TM2D1: variants seen among roughly 807,000 people sequenced by gnomAD.
The protein encoded by TM2D1 is TM2 domain containing 1, also known as TM2 domain-containing protein 1.
A neutral mutation model predicts 28.4 loss-of-function variants in TM2D1; 15 were observed. That is an observed-to-expected ratio of 0.53 (90% CI 0.35 to 0.81). The LOEUF (loss-of-function observed/expected upper bound fraction) is 0.81. Ranked by LOEUF, TM2D1 falls within the 40% of genes least tolerant of loss-of-function variation. The probability of loss-of-function intolerance (pLI) is 0.01; values close to 1 mark genes in which losing one functional copy is unlikely to be tolerated. For missense variants in TM2D1, 236 were observed against 254.9 expected (o/e 0.93, Z 0.50); for synonymous variants, 93 against 96.2 (o/e 0.97, Z 0.20).
At chr1:61,714,104 C>A (rs1644499690) in intron 2 of TM2D1, among the ~76,000 whole-genome samples, 1 of 145,304 alleles carries the variant, frequency 6.9e-6, no homozygotes. Context: ...ACCTTGTTAG[C>A]CAGGATGGTC....
chr1:61,713,488 C>CAAAAAA (rs369601221), intron 2 of TM2D1, among the ~76,000 whole-genome samples: 344 of 90,888 alleles, frequency 3.8e-3, no homozygotes, highest in Non-Finnish European at 5.5e-3. Context: ...AACTCAAAAA[C>CAAAAAA]AAAAAAAAAA....
chr1:61,687,121 G>T (rs991327002), intron 5 of TM2D1, among the ~76,000 whole-genome samples: 6 of 152,146 alleles, frequency 3.9e-5, no homozygotes, highest in African/African-American at 1.4e-4. Context: ...AGGCAGGATA[G>T]CTTGAGCCCA....
intron 2 of TM2D1, among the ~76,000 whole-genome samples, chr1:61,714,666 C>T (rs1168149210): frequency 1.3e-5 from 2 of 152,172 alleles, no homozygotes; most frequent in Non-Finnish European, 1.5e-5. Context: ...GAGACCCTCC[C>T]GCCTCAGTCT....
Position 61,694,679 on chromosome 1 carries a change from C to T in TM2D1, c.513+18G>A. Reference sequence around the variant, plus strand: ...TTTGAATGTAAAAGTAGTTTACATTCTAGATTGAGAAACTTACCTGCATTG... The same window carrying T: ...TTTGAATGTAAAAGTAGTTTACATTTTAGATTGAGAAACTTACCTGCATTG... On this transcript the variant is annotated intron_variant, in intron 5 of 6. Coordinates refer to ENST00000606498, the MANE Select transcript of TM2D1 (RefSeq NM_032027.3). 1 of 1,564,686 alleles carries T rather than the reference C, an allele frequency of 6.4e-7. No individual in the cohort carries two copies.
At chr1:61,719,002 T>G (rs990295904) in intron 2 of TM2D1, among the ~76,000 whole-genome samples, 1 of 152,210 alleles carries the variant, frequency 6.6e-6, no homozygotes, top group African/African-American at 2.4e-5. Context: ...TAAATTAAAT[T>G]TACTAAAGTT....
intron 4 of TM2D1, chr1:61,700,003 C>A: frequency 1.2e-6 from 1 of 866,712 alleles, no homozygotes; most frequent in Non-Finnish European, 1.6e-6. Flanking sequence ...GCTTTGCTAG[C>A]TAGTAGGCAG....
intron 5 of TM2D1, among the ~76,000 whole-genome samples, chr1:61,691,893 C>T (rs534379946): frequency 2.6e-5 from 3 of 116,284 alleles, no homozygotes; most frequent in Admixed American, 1.1e-4. Context: ...CCAGCCTGGG[C>T]GACGAAAACT....
chr1:61,707,898 C>T (rs17122691), intron 3 of TM2D1, among the ~76,000 whole-genome samples: 1 of 151,926 alleles, frequency 6.6e-6, no homozygotes, highest in African/African-American at 2.4e-5. Flanking sequence ...AAACTAAGTG[C>T]CATCAAATAG....
intron 2 of TM2D1, among the ~76,000 whole-genome samples, chr1:61,721,541 C>T (rs1202982086): frequency 9.0e-6 from 1 of 111,304 alleles, no homozygotes; most frequent in African/African-American, 3.5e-5. Context: ...GACTCTGTCT[C>T]AAAAAAAAAA....
intron 3 of TM2D1, among the ~76,000 whole-genome samples, chr1:61,705,052 T>C (rs1017974745): frequency 5.9e-5 from 9 of 152,334 alleles, no homozygotes; most frequent in Admixed American, 5.2e-4. Context: ...ACAGAAAATC[T>C]TGTAACAGAT....
intron 4 of TM2D1, chr1:61,699,874 C>T: frequency 4.1e-6 from 1 of 242,026 alleles, no homozygotes; most frequent in Non-Finnish European, 7.8e-6. Context: ...ATGACTTTTA[C>T]TTAGGAACTT....
intron 1 of TM2D1, chr1:61,724,391 C>T: frequency 6.6e-6 from 1 of 152,574 alleles, no homozygotes; most frequent in Non-Finnish European, 1.5e-5. Context: ...TGAGATCGTG[C>T]CACTGTACTC....
In TM2D1 at chr1:61,723,793, A is replaced by G; in HGVS notation, c.165-7T>C. The G allele has an allele frequency of 7.0e-7, 1 of 1,433,324 alleles. No homozygotes were observed. Among genetic ancestry groups the G allele is most frequent in the Non-Finnish European group, 9.6e-7 (1 of 1,046,684 alleles). The allele number at this position is 1,433,324 out of a possible 1,614,324, so 88.8% of individuals were successfully genotyped here. ...TGGATCTTTACAAATATATGTAAAA[A>G]AAAAAGTTAAGGAAATACGGACTAC... On this transcript the variant is annotated splice_polypyrimidine_tract_variant and splice_region_variant and intron_variant, in intron 1 of 6. Coordinates refer to ENST00000606498, the MANE Select transcript of TM2D1 (RefSeq NM_032027.3).
chr1:61,683,410 C>T lies in TM2D1; in HGVS notation c.*19+7G>A, dbSNP rs556356107. 15 of 861,324 alleles carry T rather than the reference C, an allele frequency of 1.7e-5. No individual in the cohort carries two copies. The highest frequency in any genetic ancestry group is 2.6e-5 in the Non-Finnish European group (15 of 570,320). 53.4% of individuals were successfully genotyped at this position (861,324 alleles called of 1,614,324 possible). A position where few individuals can be genotyped will look rare whatever the true frequency, so the allele number is the denominator to read the frequency against. Reference sequence around the variant, plus strand: ...TAAGATATTACATATATATATATATCACTTACTGTTTCTTTTAAAAAATAT... The same window carrying T: ...TAAGATATTACATATATATATATATTACTTACTGTTTCTTTTAAAAAATAT... On this transcript the variant is annotated splice_region_variant and intron_variant, in intron 6 of 6. Coordinates refer to ENST00000606498, the MANE Select transcript of TM2D1 (RefSeq NM_032027.3).
chr1:61,692,666 T>C (rs530793478), intron 5 of TM2D1, among the ~76,000 whole-genome samples: 3 of 152,264 alleles, frequency 2.0e-5, no homozygotes, highest in South Asian at 4.1e-4. Flanking sequence ...GAGGCTGAGA[T>C]GAGAGGATCG....
chr1:61,695,522 A>C (rs1644357669), intron 4 of TM2D1, among the ~76,000 whole-genome samples: 1 of 152,176 alleles, frequency 6.6e-6, no homozygotes, highest in Non-Finnish European at 1.5e-5. Flanking sequence ...TTTAAACTTG[A>C]GTTTCTTACA....
At chr1:61,689,627 C>A (rs1269866039) in intron 5 of TM2D1, among the ~76,000 whole-genome samples, 1 of 152,160 alleles carries the variant, frequency 6.6e-6, no homozygotes, top group Non-Finnish European at 1.5e-5. Context: ...CCCACCTCGG[C>A]CTCCCAAAGT....
intron 1 of TM2D1, among the ~76,000 whole-genome samples, chr1:61,724,691 G>A (rs1460780944): frequency 6.6e-6 from 1 of 151,952 alleles, no homozygotes; most frequent in African/African-American, 2.4e-5. Context: ...GAACAAGTAA[G>A]CACACTGATA....
chr1:61,684,774 ATTTG>A (rs753586937), intron 5 of TM2D1, among the ~76,000 whole-genome samples: 27 of 151,852 alleles, frequency 1.8e-4, no homozygotes, highest in African/African-American at 4.8e-4. Flanking sequence ...TCTCTCTTTC[ATTTG>A]TTTGTTTGTT....
Sources: allele counts gnomAD v4.1 joint callset (sites outside exome capture counted in the v4.1 genomes callset), GRCh38; gene constraint gnomAD v4.1.1; transcripts MANE v1.5; gene names NCBI Gene and HGNC (gene_info 2026-07-23, HGNC 2026-07-21).